LRP2: variants seen among roughly 807,000 people sequenced by gnomAD.
The protein encoded by LRP2 is low-density lipoprotein receptor-related protein 2.
In LRP2, 172 loss-of-function variants were observed where a neutral mutation model predicts 531.0. The ratio of observed to expected loss-of-function variants is 0.32; its 90% confidence interval spans 0.29 to 0.37. The LOEUF (loss-of-function observed/expected upper bound fraction) is 0.37, where lower values mean the gene tolerates loss of function less well. Ranked by LOEUF, LRP2 falls within the 10% of genes least tolerant of loss-of-function variation. The pLI, the probability that LRP2 is intolerant of heterozygous loss-of-function variation, is 1.00. For missense variants in LRP2, 5,167 were observed against 5,868.3 expected, an observed-to-expected ratio of 0.88 and a Z score of 3.90; for synonymous variants, 1,992 against 2,027.6, an observed-to-expected ratio of 0.98 and a Z score of 0.47.
At chr2:169,240,855 A>T in intron 25 of LRP2, 133 bp downstream of exon 25, 1 of 1,037,282 alleles carries the variant, frequency 9.6e-7, no homozygotes, top group Non-Finnish European at 1.5e-6. Context: ...GTTACCCCCT[A>T]CACAGATGTG....
At chr2:169,306,868 C>G (rs745786692) in intron 4 of LRP2, among the ~76,000 whole-genome samples, 4 of 152,008 alleles carry the variant, frequency 2.6e-5, no homozygotes, top group Admixed American at 2.6e-4. Context: ...TAACACTTTT[C>G]CAAAGGTAAT....
chr2:169,238,387 T>C (rs1689683241), intron 26 of LRP2, 85 bp from the exon 27 acceptor site: 1 of 988,294 alleles, frequency 1.0e-6, no homozygotes, highest in Admixed American at 2.0e-5. Context: ...TCAATACTTT[T>C]GGTAACAGAA....
chr2:169,244,977 C>T (rs532739697), intron 21 of LRP2, 45 bp from the exon 22 acceptor site: 3 of 1,612,394 alleles, frequency 1.9e-6, no homozygotes, highest in Admixed American at 1.7e-5. Context: ...GTTTTTACAG[C>T]CTTTTAAATG....
intron 4 of LRP2, among the ~76,000 whole-genome samples, chr2:169,299,127 GAA>G (rs1404191569): frequency 0.06 from 5,062 of 84,752 alleles, 436 homozygotes; most frequent in South Asian, 0.076. Context: ...AAGAAAGAAA[GAA>G]AGAAAGAAAG....
rs1473847124 is a variant in LRP2, at chr2:169,224,109, GC to G, written c.5538+1200del. Among the ~76,000 whole-genome samples the G allele has an allele frequency of 2.0e-5, 3 of 152,220 alleles. No homozygotes were observed. The East Asian group carries it at 5.8e-4, about 29-fold the overall frequency. ...GCTGTGTTCTTAGTCTACAGAGAGT[GC>G]TTTTTAGTATAGATAGGTGCTCTAA... On this transcript the variant is annotated intron_variant, in intron 33 of 78. Coordinates refer to ENST00000649046, the MANE Select transcript of LRP2 (RefSeq NM_004525.3).
chr2:169,170,780 C>G lies in LRP2; in HGVS notation c.11264-113G>C. ...CCCAGCACCCTCCTGTGTCCCAAGC[C>G]CCAGAGGTGTGCTTGGGCAAATCAT... On this transcript the variant is annotated intron_variant, in intron 58 of 78. Transcript: ENST00000649046. The G allele has an allele frequency of 3.8e-6, 3 of 788,944 alleles. No homozygotes were observed. The South Asian group carries it at 4.1e-5, about 11-fold the overall frequency. 48.9% of individuals were successfully genotyped at this position (788,944 alleles called of 1,614,324 possible).
At chr2:169,188,639 A>T (rs1687721238) in intron 48 of LRP2, among the ~76,000 whole-genome samples, 1 of 152,208 alleles carries the variant, frequency 6.6e-6, no homozygotes, top group South Asian at 2.1e-4. Flanking sequence ...TAATTTTGGT[A>T]TACATCAGAT....
chr2:169,333,379 A>G (rs955333968), intron 1 of LRP2, among the ~76,000 whole-genome samples: 3 of 152,012 alleles, frequency 2.0e-5, no homozygotes, highest in Non-Finnish European at 4.4e-5. Context: ...CCTACCCTCA[A>G]TAAACGAACT....
chr2:169,228,383 T>C (rs1389498611), intron 31 of LRP2, among the ~76,000 whole-genome samples: 1 of 152,102 alleles, frequency 6.6e-6, no homozygotes, highest in African/African-American at 2.4e-5. Flanking sequence ...TGATATTTAA[T>C]TATTTATTGA....
intron 1 of LRP2, 87 bp downstream of exon 1, chr2:169,362,234 C>T (rs1264928155): frequency 8.4e-7 from 1 of 1,189,534 alleles, no homozygotes; most frequent in Non-Finnish European, 1.2e-6. Flanking sequence ...CCTGCCCGGA[C>T]GCTCTCCCCT....
chr2:169,324,365 T>C (rs1363170248), intron 1 of LRP2, among the ~76,000 whole-genome samples: 3 of 151,412 alleles, frequency 2.0e-5, no homozygotes, highest in Non-Finnish European at 4.4e-5. Flanking sequence ...CTGATTTTTT[T>C]CCCCCAAAGC....
chr2:169,187,470 A>C (rs1049055953), intron 49 of LRP2, among the ~76,000 whole-genome samples: 17 of 152,218 alleles, frequency 1.1e-4, no homozygotes, highest in African/African-American at 3.9e-4. Flanking sequence ...ACGAACTGCC[A>C]ATATTATGGA....
chr2:169,244,547 T>C (rs1266151640), intron 22 of LRP2, 146 bp downstream of exon 22: 7 of 1,097,550 alleles, frequency 6.4e-6, no homozygotes, highest in Admixed American at 1.9e-5. Flanking sequence ...TTGTAACCTA[T>C]TGACACAGAG....
intron 16 of LRP2, among the ~76,000 whole-genome samples, chr2:169,263,092 A>G (rs996714441): frequency 7.9e-5 from 12 of 152,240 alleles, no homozygotes; most frequent in Non-Finnish European, 1.8e-4. Context: ...ACAAATATCA[A>G]TTCAAGATGG....
rs376643527 is a variant in LRP2 at position 169,169,773 on chromosome 2, T to C, written c.11426A>G (p.His3809Arg). The part of the protein sequence containing the change: ...HPEYFQCTSG[H>R]CVHSELKCDG... ...GCATTTCAGTTCACTGTGTACACAATGTCCACTTGTACACTGAAAATATTC... is the reference window on the plus strand; with the variant it reads ...GCATTTCAGTTCACTGTGTACACAACGTCCACTTGTACACTGAAAATATTC... The change falls in exon 60 of 79, where the codon CAT becomes CGT. Residue 3809 changes from histidine (H) to arginine (R), a missense_variant. Around this residue, in one of 6 missense-constraint regions of LRP2, gnomAD observed 564 missense variants for 747.7 expected, o/e 0.75. Transcript: ENST00000649046. 6 of 1,613,860 alleles carry C rather than the reference T, an allele frequency of 3.7e-6. No individual in the cohort carries two copies. The highest frequency in any genetic ancestry group is 5.1e-6 in the Non-Finnish European group (6 of 1,179,852).
intron 1 of LRP2, among the ~76,000 whole-genome samples, chr2:169,337,135 C>A (rs1457174034): frequency 6.6e-6 from 1 of 152,164 alleles, no homozygotes. Context: ...ACGACCCTGA[C>A]CCCAAAAATC....
intron 1 of LRP2, among the ~76,000 whole-genome samples, chr2:169,328,451 A>AAG (rs201511143): frequency 0.2 from 27,575 of 135,566 alleles, 2,825 homozygotes; most frequent in African/African-American, 0.29. Flanking sequence ...TAAAAAAAAA[A>AAG]AAAAAAAAAA....
Position 169,216,260 on chromosome 2 carries a change from C to T in LRP2, c.5819G>A (p.Arg1940Lys), listed in dbSNP as rs779769600. The change falls in exon 35 of 79, where the codon AGA becomes AAA. Residue 1940 changes from arginine (R) to lysine (K), a missense_variant. Physicochemically the swap from Arg to Lys is conservative, Grantham distance 26. Transcript: ENST00000649046. Reference protein sequence around the residue: ...EQKLYWAVTGRGVIERGNVDG... With the variant: ...EQKLYWAVTGKGVIERGNVDG... ...CTGAAAGGGTGCTCATACCACTCCTCTTCCAGTGACTGCCCAGTAGAGTTT... is the reference window on the plus strand; with the variant it reads ...CTGAAAGGGTGCTCATACCACTCCTTTTCCAGTGACTGCCCAGTAGAGTTT... 19 of 1,613,324 alleles carry T rather than the reference C, an allele frequency of 1.2e-5. No individual in the cohort carries two copies. In the African/African-American group the frequency reaches 1.7e-4, roughly 15 times the overall value.
Position 169,128,464 on chromosome 2 carries a change from A to G in LRP2, c.*199T>C, listed in dbSNP as rs553180435. On this transcript the variant is annotated 3_prime_UTR_variant, in exon 79 of 79. Transcript: ENST00000649046. ...ACAACTTCAGTGCAAAGATATACAT[A>G]TAGTACATTGTGATAATTATTTGTA... 19 of 563,468 alleles carry G rather than the reference A, an allele frequency of 3.4e-5. No individual in the cohort carries two copies. In the African/African-American group the frequency reaches 3.4e-4, roughly 10 times the overall value. The allele number at this position is 563,468 out of a possible 1,614,324, so 34.9% of individuals were successfully genotyped here. A position where few individuals can be genotyped will look rare whatever the true frequency, so the allele number is the denominator to read the frequency against.
Sources: allele counts gnomAD v4.1 joint callset (sites outside exome capture counted in the v4.1 genomes callset), GRCh38; gene constraint gnomAD v4.1.1; regional missense constraint gnomAD v4.1.1; transcripts MANE v1.5; gene names NCBI Gene and HGNC (gene_info 2026-07-23, HGNC 2026-07-21).